The following KIAA1549L variants were observed in gnomAD, a reference collection of about 807,000 sequenced individuals.
The protein encoded by KIAA1549L is KIAA1549 like, also known as UPF0606 protein KIAA1549L.
A neutral mutation model predicts 160.7 loss-of-function variants in KIAA1549L; 88 were observed. The observed-to-expected ratio is 0.55, with a 90% confidence interval of 0.46 to 0.65. The LOEUF (loss-of-function observed/expected upper bound fraction) is 0.65. Among genes scored for constraint, KIAA1549L ranks in the 30% least tolerant of loss-of-function variants. The pLI, the probability that KIAA1549L is intolerant of heterozygous loss-of-function variation, is 0.00. For missense variants in KIAA1549L, 2,258 were observed against 2,437.5 expected (o/e 0.93, Z 1.55); for synonymous variants, 950 against 976.7 (o/e 0.97, Z 0.51).
At chr11:33,617,338 A>G (rs1590402229) in intron 15 of KIAA1549L, among the ~76,000 whole-genome samples, 1 of 152,196 alleles carries the variant, frequency 6.6e-6, no homozygotes, top group African/African-American at 2.4e-5. Flanking sequence ...AGAAAAGCAT[A>G]GCCAATCTCC....
At chr11:33,632,379 C>T (rs139788492) in intron 16 of KIAA1549L, among the ~76,000 whole-genome samples, 1 of 152,204 alleles carries the variant, frequency 6.6e-6, no homozygotes, top group African/African-American at 2.4e-5. Flanking sequence ...TGCCAAGTGT[C>T]CAGCCCTTCA....
intron 1 of KIAA1549L, among the ~76,000 whole-genome samples, chr11:33,471,627 G>A (rs1852180334): frequency 6.6e-6 from 1 of 152,156 alleles, no homozygotes. Flanking sequence ...GCTCATCAGA[G>A]CCTTTACCCA....
chr11:33,557,957 T>TA (rs1447807001), intron 6 of KIAA1549L, among the ~76,000 whole-genome samples: 3 of 148,538 alleles, frequency 2.0e-5, no homozygotes, highest in Non-Finnish European at 4.4e-5. Context: ...ATCTTCCACT[T>TA]ATGGGAAAAA....
At chr11:33,623,163 G>A (rs1022918395) in intron 16 of KIAA1549L, among the ~76,000 whole-genome samples, 1 of 152,164 alleles carries the variant, frequency 6.6e-6, no homozygotes, top group African/African-American at 2.4e-5. Context: ...CAGCTTTGGC[G>A]TAACAGTCAG....
chr11:33,462,091 A>G (rs973324515), intron 1 of KIAA1549L, among the ~76,000 whole-genome samples: 7 of 152,234 alleles, frequency 4.6e-5, no homozygotes, highest in Non-Finnish European at 8.8e-5. Flanking sequence ...GCGGATCACT[A>G]TATGGACAGA....
At chr11:33,564,163 T>C (rs1854969979) in intron 8 of KIAA1549L, among the ~76,000 whole-genome samples, 1 of 152,182 alleles carries the variant, frequency 6.6e-6, no homozygotes, top group South Asian at 2.1e-4. Flanking sequence ...ATGATCATCC[T>C]GCCTTCCCTT....
intron 1 of KIAA1549L, among the ~76,000 whole-genome samples, chr11:33,529,676 C>G (rs1480070652): frequency 1.3e-5 from 2 of 152,178 alleles, no homozygotes; most frequent in Non-Finnish European, 2.9e-5. Flanking sequence ...ACTTGAGTAC[C>G]TTCATGGTGA....
chr11:33,456,290 G>A (rs911434244), intron 1 of KIAA1549L, among the ~76,000 whole-genome samples: 3 of 152,124 alleles, frequency 2.0e-5, no homozygotes, highest in South Asian at 2.1e-4. Flanking sequence ...ATGTCATAAC[G>A]GTCATGTGTG....
At position 33,544,792 on chromosome 11, in the gene KIAA1549L, G is replaced by A. The variant is rs1854178619; in HGVS notation, c.2799G>A (p.Gln933=). The change falls in exon 3 of 21, where the codon CAG becomes CAA. Residue 933 remains glutamine (Q), a synonymous_variant. Transcript: ENST00000658780. ...WTADTVSSKV[Q]PTAAAAVTLF... ...CGGACACAGTATCATCTAAGGTACA[G>A]CCAACAGCAGCAGCTGCCGTCACAT... 2 of 1,606,194 alleles carry A rather than the reference G, an allele frequency of 1.2e-6. No homozygotes were observed. Among genetic ancestry groups the A allele is most frequent in the Non-Finnish European group, 1.7e-6 (2 of 1,174,348 alleles).
chr11:33,579,513 C>T (rs1855564850), intron 10 of KIAA1549L, among the ~76,000 whole-genome samples: 1 of 152,144 alleles, frequency 6.6e-6, no homozygotes. Flanking sequence ...CTTCATTTCT[C>T]TCCTGTAGTC....
rs1565135872 is a variant in KIAA1549L at position 33,435,798 on chromosome 11, A to ATATATGTGTGTGTGTGTGTGTGTGTGTG, written c.238+58914_238+58915insGTGTGTGTGTGTGTGTGTGTGTGTATAT. On this transcript the variant is annotated intron_variant, in intron 1 of 20. Coordinates refer to ENST00000658780, the MANE Select transcript of KIAA1549L (RefSeq NM_012194.3). The stretch of plus-strand genomic sequence containing the variant: ...TATATATATATATATATATATATAT[A>ATATATGTGTGTGTGTGTGTGTGTGTGTG]TATATATATATATGTGTGTGTATAT... Among the ~76,000 whole-genome samples the ATATATGTGTGTGTGTGTGTGTGTGTGTG allele has an allele frequency of 1.4e-3, 11 of 7,622 alleles. No homozygotes were observed. In the South Asian group the frequency reaches 0.015, roughly 10 times the overall value. 5.0% of individuals were successfully genotyped at this position (7,622 alleles called of 152,430 possible). A position where few individuals can be genotyped will look rare whatever the true frequency, so the allele number is the denominator to read the frequency against.
chr11:33,440,365 C>T (rs894725183), intron 1 of KIAA1549L, among the ~76,000 whole-genome samples: 35 of 151,656 alleles, frequency 2.3e-4, no homozygotes, highest in African/African-American at 7.7e-4. Context: ...CTCCTGACCT[C>T]GTGATCCGCC....
chr11:33,552,210 T>C lies in KIAA1549L; in HGVS notation c.3824T>C (p.Val1275Ala). 6.2e-7 allele frequency: 1 copy of C among 1,606,416 alleles called. No individual in the cohort carries two copies. The highest frequency in any genetic ancestry group is 8.5e-7 in the Non-Finnish European group (1 of 1,176,226). The change falls in exon 6 of 21, where the codon GTC becomes GCC. Residue 1275 changes from valine to alanine, a missense_variant. Val to Ala is a moderately conservative substitution (Grantham distance 64). Around this residue, in one of 6 missense-constraint regions of KIAA1549L, gnomAD observed 1,359 missense variants for 1,546.6 expected, o/e 0.88. Coordinates refer to ENST00000658780, the MANE Select transcript of KIAA1549L (RefSeq NM_012194.3). Reference sequence around the variant, plus strand: ...GCATTCCAGGATGCCGAGAGGAAAGTCCTGAATACCAAAAGCAACTTGACA... The same window carrying C: ...GCATTCCAGGATGCCGAGAGGAAAGCCCTGAATACCAAAAGCAACTTGACA... ...QKAFQDAERK[V>A]LNTKSNLTIQ...
intron 1 of KIAA1549L, among the ~76,000 whole-genome samples, chr11:33,401,968 GCTGTCC>G (rs1353182058): frequency 3.9e-5 from 6 of 152,218 alleles, no homozygotes; most frequent in Non-Finnish European, 5.9e-5. Context: ...AAGGGGCACA[GCTGTCC>G]CTCTGCTCCA....
chr11:33,535,363 A>G (rs561184091), intron 1 of KIAA1549L, among the ~76,000 whole-genome samples: 64 of 152,126 alleles, frequency 4.2e-4, no homozygotes, highest in African/African-American at 1.4e-3. Flanking sequence ...CCCATCTCCT[A>G]TTCTGTTGTT....
intron 1 of KIAA1549L, among the ~76,000 whole-genome samples, chr11:33,442,681 G>A (rs1450300078): frequency 6.6e-6 from 1 of 152,056 alleles, no homozygotes; most frequent in Non-Finnish European, 1.5e-5. Flanking sequence ...CATTTATCAT[G>A]CTTCTTTAAT....
rs548284925 is a variant in KIAA1549L, at chr11:33,450,345, C to T, written c.238+73456C>T. 2.0e-5 allele frequency among the ~76,000 whole-genome samples: 3 copies of T among 152,134 alleles called. No homozygotes were observed. In the South Asian group the frequency reaches 6.2e-4, roughly 32 times the overall value. ...GGCTGTGGTGGGAGGATTGCTTGAG[C>T]CCAGGAATTTGAGACCAGCCTCGGC... On this transcript the variant is annotated intron_variant, in intron 1 of 20. Transcript: ENST00000658780.
chr11:33,600,037 G>T (rs183340691), intron 13 of KIAA1549L, among the ~76,000 whole-genome samples: 2 of 152,078 alleles, frequency 1.3e-5, no homozygotes, highest in Admixed American at 1.3e-4. Context: ...GCAGAGAAAA[G>T]AAAAGAAATA....
intron 1 of KIAA1549L, among the ~76,000 whole-genome samples, chr11:33,466,461 G>A (rs542844987): frequency 6.6e-6 from 1 of 152,306 alleles, no homozygotes; most frequent in Admixed American, 6.5e-5. Context: ...TAAAAAGTCA[G>A]GAAATAACAG....
Sources: allele counts gnomAD v4.1 joint callset (sites outside exome capture counted in the v4.1 genomes callset), GRCh38; gene constraint gnomAD v4.1.1; regional missense constraint gnomAD v4.1.1; transcripts MANE v1.5; gene names NCBI Gene and HGNC (gene_info 2026-07-23, HGNC 2026-07-21).